APLF: variants seen among roughly 807,000 people sequenced by gnomAD.
APLF encodes aprataxin and PNK-like factor.
APLF carries 61 observed loss-of-function variants against 55.6 expected under a neutral mutation model. That is an observed-to-expected ratio of 1.10 (90% CI 0.89 to 1.36). APLF has a LOEUF of 1.36. Ranked by LOEUF, APLF falls within the 40% of genes most tolerant of loss-of-function variation. The pLI is 0.00. For synonymous variants in APLF, 207 were observed against 214.8 expected, an observed-to-expected ratio of 0.96 and a Z score of 0.32; for missense variants, 611 against 602.5, an observed-to-expected ratio of 1.01 and a Z score of -0.15.
intron 8 of APLF, among the ~76,000 whole-genome samples, chr2:68,564,188 C>G (rs1671236939): frequency 6.6e-6 from 1 of 152,052 alleles, no homozygotes; most frequent in South Asian, 2.1e-4. Flanking sequence ...TAGGAAAGAT[C>G]TTCCCACAAA....
At chr2:68,497,940 A>G (rs746748447) in intron 2 of APLF, among the ~76,000 whole-genome samples, 16 of 152,228 alleles carry the variant, frequency 1.1e-4, no homozygotes, top group Non-Finnish European at 2.2e-4. Context: ...AGACTAGCTA[A>G]TAACCATGTT....
At chr2:68,494,512 C>T (rs1676478007) in intron 2 of APLF, among the ~76,000 whole-genome samples, 1 of 151,546 alleles carries the variant, frequency 6.6e-6, no homozygotes, top group African/African-American at 2.4e-5. Context: ...GACTTTTAAG[C>T]TCAGGGATAC....
chr2:68,480,375 G>A (rs567860803), intron 1 of APLF, among the ~76,000 whole-genome samples: 74 of 151,540 alleles, frequency 4.9e-4, no homozygotes, highest in Non-Finnish European at 8.7e-4. Context: ...CATGATCTCG[G>A]CTCACTGCAA....
At chr2:68,526,480 G>A (rs1222708850) in intron 6 of APLF, among the ~76,000 whole-genome samples, 3 of 152,216 alleles carry the variant, frequency 2.0e-5, no homozygotes, top group African/African-American at 7.2e-5. Context: ...GTGGGTTCTG[G>A]TGGAGATGGT....
chr2:68,518,538 A>G (rs1401509000), intron 5 of APLF, among the ~76,000 whole-genome samples: 3 of 115,456 alleles, frequency 2.6e-5, no homozygotes, highest in East Asian at 2.4e-4. Context: ...ATATTAATAT[A>G]TAATAATATA....
chr2:68,532,203 A>G (rs1194593752), intron 6 of APLF, among the ~76,000 whole-genome samples: 1 of 152,236 alleles, frequency 6.6e-6, no homozygotes, highest in Non-Finnish European at 1.5e-5. Context: ...GAGAGAAAAC[A>G]AGAGGCTAGG....
At chr2:68,571,385 A>G (rs1671459756) in intron 9 of APLF, among the ~76,000 whole-genome samples, 2 of 152,114 alleles carry the variant, frequency 1.3e-5, no homozygotes, top group Non-Finnish European at 2.9e-5. Context: ...TATGTCCTGA[A>G]TGGTATTGCC....
At chr2:68,515,733 T>G (rs1329469592) in intron 5 of APLF, 1 of 983,144 alleles carries the variant, frequency 1.0e-6, no homozygotes, top group Non-Finnish European at 1.2e-6. Flanking sequence ...GTCTTTGGAT[T>G]CAGGTAATCT....
chr2:68,470,623 A>C lies in APLF; in HGVS notation c.96+2796A>C, dbSNP rs370563820. The stretch of plus-strand genomic sequence containing the variant: ...GTATTTGCTTTATGGGTTTTAATTA[A>C]AGCTGTTACACTCTTAAATGAAATC... On this transcript the variant is annotated intron_variant, in intron 1 of 9. Coordinates refer to ENST00000303795, the MANE Select transcript of APLF (RefSeq NM_173545.3). Among the ~76,000 whole-genome samples, 140 of 152,348 alleles carry C rather than the reference A, an allele frequency of 9.2e-4. 1 individual carries two copies. The highest frequency in any genetic ancestry group is 3.2e-3 in the African/African-American group (135 of 41,582).
intron 5 of APLF, among the ~76,000 whole-genome samples, chr2:68,516,359 T>G (rs1669578608): frequency 6.6e-6 from 1 of 151,640 alleles, no homozygotes; most frequent in Non-Finnish European, 1.5e-5. Context: ...CCTTTATATG[T>G]AGGGGAATTT....
rs532232163 is a variant in APLF at position 68,508,831 on chromosome 2, C to T, written c.342-4249C>T. Among the ~76,000 whole-genome samples the T allele has an allele frequency of 9.2e-5, 14 of 152,212 alleles. No homozygotes were observed. The East Asian group carries it at 1.7e-3, about 19-fold the overall frequency. ...CCTGACTTCAAACTATACTACAAGC[C>T]TACAGTAACCAAAACAGCATGGTAC... On this transcript the variant is annotated intron_variant, in intron 3 of 9. Transcript: ENST00000303795.
rs181455396 is a variant in APLF, at chr2:68,563,246, A to G, written c.1287-4095A>G. ...AAACAACTTTCCCCTTCTAAGGCAG[A>G]TGAAAACCTGTACATGTACCTAACA... On this transcript the variant is annotated intron_variant, in intron 8 of 9. Transcript: ENST00000303795. 2.0e-5 allele frequency: 20 copies of G among 985,250 alleles called. No individual in the cohort carries two copies. The African/African-American group carries it at 3.3e-4, about 16-fold the overall frequency. 61.0% of individuals were successfully genotyped at this position (985,250 alleles called of 1,614,324 possible). A position where few individuals can be genotyped will look rare whatever the true frequency, so the allele number is the denominator to read the frequency against.
intron 1 of APLF, among the ~76,000 whole-genome samples, chr2:68,482,162 A>G (rs1167956791): frequency 2.0e-5 from 3 of 147,494 alleles, no homozygotes; most frequent in Non-Finnish European, 4.5e-5. Flanking sequence ...TGTTTTTTTC[A>G]TGTTTCTTAT....
At chr2:68,474,331 G>A (rs1044871374) in intron 1 of APLF, among the ~76,000 whole-genome samples, 6 of 152,216 alleles carry the variant, frequency 3.9e-5, no homozygotes, top group African/African-American at 1.2e-4. Context: ...CTCCCTAGAG[G>A]AGGCTGGGGC....
chr2:68,562,736 C>T (rs902964403), intron 8 of APLF, among the ~76,000 whole-genome samples: 1 of 151,926 alleles, frequency 6.6e-6, no homozygotes, highest in Non-Finnish European at 1.5e-5. Context: ...AAGTACTCCC[C>T]TAGAGTAGAA....
chr2:68,505,161 CAT>C (rs1676837135), intron 3 of APLF, among the ~76,000 whole-genome samples: 2 of 151,964 alleles, frequency 1.3e-5, no homozygotes, highest in African/African-American at 2.4e-5. Flanking sequence ...CTTTAAAGTA[CAT>C]GTCTTTTTCT....
Position 68,537,929 on chromosome 2 carries a change from A to G in APLF, c.862A>G (p.Lys288Glu). 6.2e-7 allele frequency: 1 copy of G among 1,612,152 alleles called. No individual in the cohort carries two copies. Among genetic ancestry groups the G allele is most frequent in the South Asian group, 1.1e-5 (1 of 90,586 alleles). Residue 288 changes from lysine to glutamate, a missense_variant, in exon 7 of 10, where the codon AAG becomes GAG. Transcript: ENST00000303795. ...TLSNTEMNNI[K>E]TNAQRNKLPI... ...AAGTAACACAGAGATGAATAATATT[A>G]AGACTAATGCACAGAGAAACAAACT... is the stretch of plus-strand genomic sequence containing the variant.
intron 2 of APLF, among the ~76,000 whole-genome samples, chr2:68,490,551 A>G (rs62146967): frequency 0.052 from 7,891 of 152,310 alleles, 270 homozygotes; most frequent in Non-Finnish European, 0.081. Context: ...ATAATAAGAA[A>G]GCCCATAACT....
At chr2:68,535,286 CTTA>C (rs1670356016) in intron 6 of APLF, 1 of 431,764 alleles carries the variant, frequency 2.3e-6, no homozygotes, top group South Asian at 1.8e-5. Context: ...ATAATAGATG[CTTA>C]TTGTCAAAAA....
Sources: allele counts gnomAD v4.1 joint callset (sites outside exome capture counted in the v4.1 genomes callset), GRCh38; gene constraint gnomAD v4.1.1; transcripts MANE v1.5; gene names NCBI Gene and HGNC (gene_info 2026-07-23, HGNC 2026-07-21).